CLK1: variants seen among roughly 807,000 people sequenced by gnomAD.
CLK1 encodes the protein CDC like kinase 1, also known as dual specificity protein kinase CLK1.
A neutral mutation model predicts 60.9 loss-of-function variants in CLK1; 40 were observed. The observed-to-expected ratio is 0.66, with a 90% CI of 0.51 to 0.86. The LOEUF is 0.86. CLK1 is among the 40% of genes least tolerant of loss of function. The probability of loss-of-function intolerance (pLI) is 0.00; values close to 1 mark genes in which losing one functional copy is unlikely to be tolerated. For missense variants in CLK1, 563 were observed against 606.1 expected (o/e 0.93, Z 0.75); for synonymous variants, 203 against 184.4 (o/e 1.10, Z -0.82).
intron 3 of CLK1, chr2:200,860,494 T>C: frequency 1.1e-6 from 1 of 908,322 alleles, no homozygotes; most frequent in Non-Finnish European, 1.4e-6. Context: ...TTGTTTTTCT[T>C]AAAAAAAAAA....
chr2:200,857,992 T>C lies in CLK1; in HGVS notation c.646A>G (p.Thr216Ala), dbSNP rs754280636. The C allele has an allele frequency of 1.9e-5, 31 of 1,613,760 alleles. No individual in the cohort carries two copies. The highest frequency in any genetic ancestry group is 1.4e-5 in the Non-Finnish European group (16 of 1,179,780). Residue 216 changes from threonine to alanine, a missense_variant, in exon 6 of 13, where the codon ACA (threonine) becomes GCA (alanine). Thr to Ala is a moderately conservative substitution (Grantham distance 58, BLOSUM62 0). Coordinates refer to ENST00000321356, the MANE Select transcript of CLK1 (RefSeq NM_004071.4). ...ACTTACAAAGTACTGTTGGGGTCTGTTGTATTCAGATGTTCCAGAACTTGT... is the reference window on the plus strand; with the variant it reads ...ACTTACAAAGTACTGTTGGGGTCTGCTGTATTCAGATGTTCCAGAACTTGT... Reference protein sequence around the residue: ...EIQVLEHLNTTDPNSTFRCVQ... With the variant: ...EIQVLEHLNTADPNSTFRCVQ...
chr2:200,854,737 A>C (rs753434038), intron 10 of CLK1, 42 bp from the exon 11 acceptor site: 2 of 1,375,780 alleles, frequency 1.5e-6, no homozygotes, highest in Non-Finnish European at 2.1e-6. Context: ...GATGACCACC[A>C]AAACAGACAC....
In CLK1 at chr2:200,864,545, G is replaced by A. The variant is rs1263145747; in HGVS notation, c.-1+19C>T. 8.8e-6 allele frequency: 3 copies of A among 342,802 alleles called. No individual in the cohort carries two copies. Among genetic ancestry groups the A allele is most frequent in the Non-Finnish European group, 1.1e-5 (2 of 186,528 alleles). The allele number at this position is 342,802 out of a possible 1,614,324, so 21.2% of individuals were successfully genotyped here. ...CAGGAACGGCCCTGTCACCTAGTCC[G>A]CTCCCTCCTGCGTCTTACCGTCCTG... On this transcript the variant is annotated intron_variant, in intron 1 of 12. Coordinates refer to ENST00000321356, the MANE Select transcript of CLK1 (RefSeq NM_004071.4).
Position 200,856,830 on chromosome 2 carries a change from G to A in CLK1, c.928-19C>T. 1 of 1,611,998 alleles carries A rather than the reference G, an allele frequency of 6.2e-7. No homozygotes were observed. ...CACGTTTCTGAAAATCATAAATGAT[G>A]GTTAAGAAGGCATAAGCTATTAAGG... is the stretch of plus-strand genomic sequence containing the variant. On this transcript the variant is annotated intron_variant, in intron 8 of 12. Transcript: ENST00000321356.
rs757130852 is a variant in CLK1, at chr2:200,856,727, T to G, written c.1012A>C (p.Thr338Pro). 1 of 1,612,804 alleles carries G rather than the reference T, an allele frequency of 6.2e-7. No homozygotes were observed. The highest frequency in any genetic ancestry group is 8.5e-7 in the Non-Finnish European group (1 of 1,179,608). Residue 338 changes from threonine to proline, a missense_variant, in exon 9 of 13, where the codon ACA becomes CCA. Thr to Pro is a conservative substitution (Grantham distance 38). This residue lies in a region of CLK1 where 360 missense variants were observed against 407.0 expected (regional missense o/e 0.88). Transcript: ENST00000321356. ...CTATAATGTCTTGTAGATACCAATG[T>G]ACTGTGATGTTCGTCATCATATGTT... The part of the protein sequence containing the change: ...SATYDDEHHS[T>P]LVSTRHYRAP...
intron 12 of CLK1, 99 bp from the exon 13 acceptor site, chr2:200,853,548 A>C: frequency 3.5e-6 from 4 of 1,151,018 alleles, no homozygotes; most frequent in Non-Finnish European, 4.8e-6. Flanking sequence ...CCACCATAAA[A>C]ACAGAAAAGA....
rs560078637 is a variant in CLK1 at position 200,864,469 on chromosome 2, G to A, written c.-1+95C>T. 6 of 498,618 alleles carry A rather than the reference G, an allele frequency of 1.2e-5. No homozygotes were observed. In the East Asian group the frequency reaches 1.8e-4, roughly 15 times the overall value. The allele number at this position is 498,618 out of a possible 1,614,324, so 30.9% of individuals were successfully genotyped here. ...GGCAGTCGTCGCGCCGGGGACGGCG[G>A]GCAGCAAACAAGCAGGAAAAGGGGG... On this transcript the variant is annotated intron_variant, in intron 1 of 12. Coordinates refer to ENST00000321356, the MANE Select transcript of CLK1 (RefSeq NM_004071.4).
At chr2:200,856,569 T>TATC in intron 9 of CLK1, 113 bp downstream of exon 9, 1 of 803,498 alleles carries the variant, frequency 1.2e-6, no homozygotes, top group Non-Finnish European at 2.0e-6. Flanking sequence ...TCATGATACT[T>TATC]ATCCCTTAAA....
At chr2:200,858,150 A>T (rs1340539805) in intron 5 of CLK1, 61 bp from the exon 6 acceptor site, 2 of 1,086,164 alleles carry the variant, frequency 1.8e-6, no homozygotes, top group South Asian at 2.5e-5. Context: ...TCCAGGTATT[A>T]CTGTCTTCAA....
rs1356867267 is a variant in CLK1 at position 200,854,789 on chromosome 2, GAACA to G, written c.1141-98_1141-95del. On this transcript the variant is annotated intron_variant, in intron 10 of 12. Transcript: ENST00000321356. ...AAAAAAACTAACATTAAGGCTTGCA[GAACA>G]AACTCGCCAATGATTCCCTACATGG... 7.8e-5 allele frequency: 74 copies of G among 944,472 alleles called. No homozygotes were observed. The Admixed American group carries it at 1.5e-3, about 19-fold the overall frequency. The allele number at this position is 944,472 out of a possible 1,614,324, so 58.5% of individuals were successfully genotyped here.
intron 5 of CLK1, chr2:200,858,315 T>C (rs987163272): frequency 1.1e-5 from 6 of 544,308 alleles, no homozygotes; most frequent in Non-Finnish European, 2.0e-5. Context: ...CTTCTTCCTA[T>C]ATGGTACCTG....
chr2:200,860,033 A>G, intron 4 of CLK1, 92 bp downstream of exon 4: 1 of 1,516,002 alleles, frequency 6.6e-7, no homozygotes, highest in Admixed American at 2.3e-5. Flanking sequence ...AAAAAAGAGA[A>G]AGAAAAAAAG....
intron 9 of CLK1, 83 bp from the exon 10 acceptor site, chr2:200,855,169 T>TA (rs796607497): frequency 0.068 from 48,891 of 713,760 alleles, 14 homozygotes; most frequent in South Asian, 0.097. Context: ...ACTAATACTT[T>TA]AAAAAAAAAA....
At chr2:200,859,942 T>C (rs2039107584) in intron 4 of CLK1, 183 bp downstream of exon 4, 17 of 1,431,884 alleles carry the variant, frequency 1.2e-5, no homozygotes, top group Non-Finnish European at 1.5e-5. Flanking sequence ...CTGGAAGTTC[T>C]ATATAACAAA....
intron 3 of CLK1, 66 bp from the exon 4 acceptor site, chr2:200,860,281 G>T: frequency 1.2e-6 from 2 of 1,603,880 alleles, no homozygotes; most frequent in Non-Finnish European, 1.7e-6. Context: ...TGAATTCAGG[G>T]CAGAATACGA....
At chr2:200,853,596 T>TG in intron 12 of CLK1, 147 bp from the exon 13 acceptor site, 6 of 686,862 alleles carry the variant, frequency 8.7e-6, no homozygotes, top group Non-Finnish European at 1.3e-5. Context: ...ATCCCAGCAC[T>TG]CTGGGAGGCC....
At chr2:200,863,964 TTC>T (rs1269832805) in intron 1 of CLK1, 4 of 1,007,982 alleles carry the variant, frequency 4.0e-6, no homozygotes, top group Non-Finnish European at 5.4e-6. Context: ...ACCCCAGCAT[TTC>T]TCTTTCCTTG....
At chr2:200,858,560 G>A (rs141635675) in intron 5 of CLK1, among the ~76,000 whole-genome samples, 269 of 152,096 alleles carry the variant, frequency 1.8e-3, no homozygotes, top group Middle Eastern at 6.8e-3. Context: ...AGCCAGGCAC[G>A]GTGGTGTGTG....
chr2:200,854,088 T>G (rs2038997846), intron 11 of CLK1, 95 bp from the exon 12 acceptor site: 3 of 761,104 alleles, frequency 3.9e-6, no homozygotes, highest in Non-Finnish European at 6.4e-6. Flanking sequence ...AGATCACTTT[T>G]CTAGAGATTT....
Sources: allele counts gnomAD v4.1 joint callset (sites outside exome capture counted in the v4.1 genomes callset), GRCh38; gene constraint gnomAD v4.1.1; regional missense constraint gnomAD v4.1.1; transcripts MANE v1.5; gene names NCBI Gene and HGNC (gene_info 2026-07-23, HGNC 2026-07-21).